CEP112: variants seen among roughly 807,000 people sequenced by gnomAD.
CEP112 encodes centrosomal protein of 112 kDa.
In CEP112, 127 loss-of-function variants were observed where a neutral mutation model predicts 153.0. The ratio of observed to expected loss-of-function variants is 0.83; its 90% confidence interval spans 0.72 to 0.96. The LOEUF is 0.96. Among genes scored for constraint, CEP112 ranks in the 40% least tolerant of loss-of-function variants. The pLI, the probability that CEP112 is intolerant of heterozygous loss-of-function variation, is 0.00. For synonymous variants in CEP112, 358 were observed against 374.4 expected, an observed-to-expected ratio of 0.96 and a Z score of 0.51; for missense variants, 1,089 against 1,101.2, an observed-to-expected ratio of 0.99 and a Z score of 0.16.
intron 19 of CEP112, among the ~76,000 whole-genome samples, chr17:65,907,698 C>T (rs140689987): frequency 3.9e-5 from 6 of 152,154 alleles, no homozygotes; most frequent in African/African-American, 1.2e-4. Flanking sequence ...AATATCTTGA[C>T]GATGGTATTC....
chr17:65,876,414 CATTT>C (rs1447120146), intron 20 of CEP112, among the ~76,000 whole-genome samples: 1 of 151,916 alleles, frequency 6.6e-6, no homozygotes, highest in Non-Finnish European at 1.5e-5. Context: ...TCTCTTTTAC[CATTT>C]ATTATTTGAA....
At chr17:65,777,585 A>T (rs188610908) in intron 21 of CEP112, among the ~76,000 whole-genome samples, 52 of 152,300 alleles carry the variant, frequency 3.4e-4, no homozygotes, top group Admixed American at 3.1e-3. Flanking sequence ...GTGATCAATA[A>T]GCAGGTGCTT....
At chr17:66,178,028 G>A (rs1162963850) in intron 2 of CEP112, among the ~76,000 whole-genome samples, 1 of 152,208 alleles carries the variant, frequency 6.6e-6, no homozygotes, top group East Asian at 1.9e-4. Context: ...AAACATGGGA[G>A]TGCAGATATC....
At chr17:65,648,250 TTCTC>T (rs1297814015) in intron 24 of CEP112, among the ~76,000 whole-genome samples, 1 of 152,188 alleles carries the variant, frequency 6.6e-6, no homozygotes, top group East Asian at 1.9e-4. Context: ...CCACGGTTAC[TTCTC>T]TCTCTACCTT....
intron 5 of CEP112, 102 bp from the exon 6 acceptor site, chr17:66,129,925 A>T (rs1007977784): frequency 2.2e-5 from 15 of 673,494 alleles, no homozygotes; most frequent in Admixed American, 3.3e-5. Context: ...GAAGAGATAA[A>T]GGGAAATAAA....
intron 16 of CEP112, among the ~76,000 whole-genome samples, chr17:66,021,876 G>C (rs1330707177): frequency 6.6e-6 from 1 of 152,092 alleles, no homozygotes; most frequent in Non-Finnish European, 1.5e-5. Flanking sequence ...TACTTCTCAT[G>C]GTTAACAAAG....
At chr17:66,134,713 G>T (rs553043729) in intron 4 of CEP112, among the ~76,000 whole-genome samples, 1 of 152,248 alleles carries the variant, frequency 6.6e-6, no homozygotes, top group African/African-American at 2.4e-5. Flanking sequence ...CAGCTACTTG[G>T]GAGGCTGAGG....
intron 24 of CEP112, among the ~76,000 whole-genome samples, chr17:65,660,448 TCTC>T (rs1225422822): frequency 1.0e-5 from 1 of 99,660 alleles, no homozygotes; most frequent in Non-Finnish European, 2.0e-5. Flanking sequence ...TTTCTCTCTC[TCTC>T]TTCTCTCTCT....
In CEP112 at chr17:66,007,473, C is replaced by A. The variant is rs112710873; in HGVS notation, c.1657-1704G>T. Among the ~76,000 whole-genome samples, 1,315 of 152,274 alleles carry A rather than the reference C, an allele frequency of 8.6e-3. 23 individuals are homozygous for A. Among genetic ancestry groups the A allele is most frequent in the African/African-American group, 0.03 (1,248 of 41,538 alleles). ...TATTTTGGATCCCTAATATGTATTA[C>A]AGTGTTTGGCACATAGTAAGCATAC... On this transcript the variant is annotated intron_variant, in intron 16 of 26. Coordinates refer to ENST00000535342, the MANE Select transcript of CEP112 (RefSeq NM_001199165.4).
At chr17:65,835,494 G>A (rs527503165) in intron 21 of CEP112, among the ~76,000 whole-genome samples, 66 of 152,198 alleles carry the variant, frequency 4.3e-4, no homozygotes, top group South Asian at 1.2e-3. Flanking sequence ...GCCCCAATAC[G>A]GCTTTCAATG....
intron 20 of CEP112, among the ~76,000 whole-genome samples, chr17:65,867,148 T>C (rs1045183655): frequency 2.0e-5 from 3 of 152,218 alleles, no homozygotes; most frequent in African/African-American, 7.2e-5. Context: ...GTGTCAGCCA[T>C]GGCAGCTGCT....
intron 23 of CEP112, among the ~76,000 whole-genome samples, chr17:65,689,624 C>CATAACAT (rs1336389772): frequency 6.6e-6 from 1 of 152,106 alleles, no homozygotes; most frequent in Non-Finnish European, 1.5e-5. Flanking sequence ...ATCTGACCAG[C>CATAACAT]ATAACATTTT....
intron 5 of CEP112, 123 bp downstream of exon 5, chr17:66,132,547 G>C (rs1277686366): frequency 1.5e-5 from 11 of 723,606 alleles, no homozygotes; most frequent in Non-Finnish European, 2.4e-5. Context: ...ATGTTCACCA[G>C]AATCATCCAA....
intron 24 of CEP112, among the ~76,000 whole-genome samples, chr17:65,652,114 A>C (rs1176504639): frequency 2.0e-5 from 3 of 152,196 alleles, no homozygotes; most frequent in African/African-American, 7.2e-5. Flanking sequence ...CTCTTTTTAT[A>C]TTTTATCAAT....
chr17:65,962,985 G>T (rs1472297685), intron 17 of CEP112, among the ~76,000 whole-genome samples: 1 of 152,178 alleles, frequency 6.6e-6, no homozygotes, highest in Non-Finnish European at 1.5e-5. Flanking sequence ...TATTCTCACA[G>T]TAAACCAGTA....
At chr17:65,874,302 A>G (rs1350335216) in intron 20 of CEP112, among the ~76,000 whole-genome samples, 1 of 152,136 alleles carries the variant, frequency 6.6e-6, no homozygotes, top group Non-Finnish European at 1.5e-5. Flanking sequence ...TTAGTTAACA[A>G]AAGCTTATTG....
chr17:65,812,034 C>T (rs2055992189), intron 21 of CEP112, among the ~76,000 whole-genome samples: 1 of 151,590 alleles, frequency 6.6e-6, no homozygotes, highest in African/African-American at 2.4e-5. Context: ...GATGGAGTCT[C>T]ACTCCATTGC....
chr17:66,047,304 A>G (rs1222318178), intron 12 of CEP112, among the ~76,000 whole-genome samples: 1 of 152,026 alleles, frequency 6.6e-6, no homozygotes, highest in Non-Finnish European at 1.5e-5. Context: ...TTGAGTAGAG[A>G]CAGGGTTTCA....
intron 4 of CEP112, among the ~76,000 whole-genome samples, chr17:66,158,308 A>G (rs1449589334): frequency 6.6e-6 from 1 of 152,148 alleles, no homozygotes; most frequent in Non-Finnish European, 1.5e-5. Flanking sequence ...TAACAAAATT[A>G]AGGCAGAAAT....
Sources: allele counts gnomAD v4.1 joint callset (sites outside exome capture counted in the v4.1 genomes callset), GRCh38; gene constraint gnomAD v4.1.1; transcripts MANE v1.5; gene names NCBI Gene and HGNC (gene_info 2026-07-23, HGNC 2026-07-21).